The following ENTREP2 variants were observed in gnomAD, a reference collection of about 807,000 sequenced individuals.
The protein encoded by ENTREP2 is protein ENTREP2.
chr15:29,422,048 AC>A, the ENTREP2 span, among the ~76,000 whole-genome samples: 1 of 152,196 alleles, frequency 6.6e-6, no homozygotes, highest in Admixed American at 6.5e-5. Context: ...CAGGTGGATC[AC>A]CTGAGGTCAG....
At chr15:29,217,283 G>A in the ENTREP2 span, among the ~76,000 whole-genome samples, 7 of 152,118 alleles carry the variant, frequency 4.6e-5, no homozygotes, top group East Asian at 1.9e-4. Context: ...CAGTGAAAGA[G>A]CCAAGATAGA....
chr15:29,269,855 C>G, the ENTREP2 span: 1 of 776,392 alleles, frequency 1.3e-6, no homozygotes, highest in South Asian at 2.5e-5. Context: ...CGCCTTGCGT[C>G]AGGGCGGCTG....
the ENTREP2 span, among the ~76,000 whole-genome samples, chr15:29,640,772 C>G: frequency 1.3e-5 from 2 of 152,318 alleles, no homozygotes; most frequent in Middle Eastern, 6.8e-3. Flanking sequence ...TTATACTGAT[C>G]TTTCACAAAA....
chr15:29,422,241 G>A, the ENTREP2 span, among the ~76,000 whole-genome samples: 1 of 151,710 alleles, frequency 6.6e-6, no homozygotes, highest in African/African-American at 2.4e-5. Context: ...TTGCACTCCA[G>A]CCTGAGCAAC....
chr15:29,511,763 G>C, the ENTREP2 span, among the ~76,000 whole-genome samples: 1 of 149,076 alleles, frequency 6.7e-6, no homozygotes, highest in Non-Finnish European at 1.5e-5. Context: ...AGCCTCGAAG[G>C]GTGCTCCCAC....
At chr15:29,616,288 T>C in the ENTREP2 span, among the ~76,000 whole-genome samples, 1 of 152,138 alleles carries the variant, frequency 6.6e-6, no homozygotes, top group Non-Finnish European at 1.5e-5. Flanking sequence ...TTGGTCAGAC[T>C]TCTTTTTACC....
the ENTREP2 span, among the ~76,000 whole-genome samples, chr15:29,674,128 T>TTG: frequency 6.5e-5 from 3 of 46,092 alleles, 1 homozygote; most frequent in Non-Finnish European, 1.1e-4. Context: ...CTGCAGAGGA[T>TTG]GGGGGGGGGG....
At chr15:29,244,351 G>A in the ENTREP2 span, among the ~76,000 whole-genome samples, 1 of 152,196 alleles carries the variant, frequency 6.6e-6, no homozygotes, top group African/African-American at 2.4e-5. Flanking sequence ...TAACCCATTA[G>A]GAGCAATCCT....
At chr15:29,434,021 A>C in the ENTREP2 span, among the ~76,000 whole-genome samples, 265 of 152,094 alleles carry the variant, frequency 1.7e-3, 1 homozygote, top group African/African-American at 6.1e-3. Context: ...CCCTCTGTCT[A>C]TCCTAGAGAA....
the ENTREP2 span, among the ~76,000 whole-genome samples, chr15:29,334,046 G>A: frequency 0.026 from 4,019 of 152,226 alleles, 179 homozygotes; most frequent in African/African-American, 0.091. Context: ...AGAAATCCAC[G>A]CTGCCAACAC....
At chr15:29,407,056 G>A in the ENTREP2 span, among the ~76,000 whole-genome samples, 2 of 152,118 alleles carry the variant, frequency 1.3e-5, no homozygotes, top group Non-Finnish European at 2.9e-5. Flanking sequence ...ATTTAACAAC[G>A]GAGCTATGTT....
the ENTREP2 span, among the ~76,000 whole-genome samples, chr15:29,480,240 C>A: frequency 6.9e-6 from 1 of 145,216 alleles, no homozygotes; most frequent in African/African-American, 2.5e-5. Flanking sequence ...CAAAACACTG[C>A]ATTTCTTTTG....
the ENTREP2 span, among the ~76,000 whole-genome samples, chr15:29,475,460 G>A: frequency 2.6e-5 from 4 of 152,112 alleles, no homozygotes; most frequent in Non-Finnish European, 5.9e-5. Flanking sequence ...TGGAAGGACC[G>A]TTCACTCACC....
chr15:29,291,283 C>A, the ENTREP2 span, among the ~76,000 whole-genome samples: 3 of 152,168 alleles, frequency 2.0e-5, no homozygotes, highest in Non-Finnish European at 4.4e-5. Flanking sequence ...ACTATCTCAT[C>A]CTGACGATCT....
chr15:29,215,095 A>T, the ENTREP2 span, among the ~76,000 whole-genome samples: 1 of 152,092 alleles, frequency 6.6e-6, no homozygotes, highest in East Asian at 1.9e-4. Context: ...GTCTGTTAGT[A>T]ATTGTTTTAT....
chr15:29,490,224 G>C, the ENTREP2 span, among the ~76,000 whole-genome samples: 1 of 152,090 alleles, frequency 6.6e-6, no homozygotes, highest in African/African-American at 2.4e-5. Flanking sequence ...GGACATGTTG[G>C]GAGTTTCTTC....
chr15:29,410,528 G>A, the ENTREP2 span, among the ~76,000 whole-genome samples: 1 of 151,988 alleles, frequency 6.6e-6, no homozygotes, highest in African/African-American at 2.4e-5. Flanking sequence ...TCAGGAGCCA[G>A]CACGATCACC....
the ENTREP2 span, among the ~76,000 whole-genome samples, chr15:29,477,408 C>G: frequency 8.8e-6 from 1 of 114,174 alleles, no homozygotes; most frequent in East Asian, 2.5e-4. Context: ...TAGACTTCAA[C>G]AAAAAGTGCA....
At chr15:29,484,272 A>C in the ENTREP2 span, among the ~76,000 whole-genome samples, 1 of 152,174 alleles carries the variant, frequency 6.6e-6, no homozygotes, top group African/African-American at 2.4e-5. Context: ...CATGAGCCTC[A>C]GCATGGACTA....
Sources: allele counts gnomAD v4.1 joint callset (sites outside exome capture counted in the v4.1 genomes callset), GRCh38; gene constraint gnomAD v4.1.1; transcripts MANE v1.5; gene names NCBI Gene and HGNC (gene_info 2026-07-23, HGNC 2026-07-21).